Variants in RAI1 observed in about 807,000 individuals in gnomAD.
RAI1 encodes retinoic acid-induced protein 1.
A neutral mutation model predicts 123.8 loss-of-function variants in RAI1; 9 were observed. That is an observed-to-expected ratio of 0.07 (90% CI 0.04 to 0.13). RAI1 has a LOEUF of 0.13. Among genes scored for constraint, RAI1 ranks in the 10% least tolerant of loss-of-function variants. RAI1 has a pLI of 1.00. For synonymous variants in RAI1, 1,231 were observed against 1,127.3 expected (o/e 1.09, Z -1.84); for missense variants, 2,256 against 2,545.8 (o/e 0.89, Z 2.45).
At chr17:17,684,406 C>T (rs997849771) in intron 1 of RAI1, 10 of 150,950 alleles carry the variant, frequency 6.6e-5, no homozygotes, top group African/African-American at 2.2e-4. Flanking sequence ...TTTTGCAATC[C>T]ACTGATGGGT....
At chr17:17,719,760 T>G (rs1175451939) in intron 1 of RAI1, among the ~76,000 whole-genome samples, 2 of 152,174 alleles carry the variant, frequency 1.3e-5, no homozygotes, top group African/African-American at 2.4e-5. Context: ...GGATGCATAC[T>G]TTTGCCACCT....
rs777229114 is a variant in RAI1, at chr17:17,796,553, G to A, written c.3605G>A (p.Arg1202Gln). ...SPQKEGRVSQ[R>Q]ARVPKPGAGS... ...CAGAAGGAGGGCAGGGTGAGCCAGCGGGCAAGGGTCCCCAAACCTGGTGCA... is the reference window on the plus strand; with the variant it reads ...CAGAAGGAGGGCAGGGTGAGCCAGCAGGCAAGGGTCCCCAAACCTGGTGCA... The change falls in exon 3 of 6, where the codon CGG becomes CAG. Residue 1202 changes from arginine (R) to glutamine (Q), a missense_variant. Arg to Gln is a conservative substitution (Grantham distance 43, BLOSUM62 1). This residue lies in a region of RAI1 where 322 missense variants were observed against 358.0 expected (regional missense o/e 0.90). Coordinates refer to ENST00000353383, the MANE Select transcript of RAI1 (RefSeq NM_030665.4). The surrounding 1 kb of genome is among the most constrained non-coding windows in gnomAD (Gnocchi z 5.8). 20 of 1,610,852 alleles carry A rather than the reference G, an allele frequency of 1.2e-5. No individual in the cohort carries two copies. In the Admixed American group the frequency reaches 1.3e-4, roughly 11 times the overall value.
At position 17,797,059 on chromosome 17, in the gene RAI1, G is replaced by A. The variant is rs1040249146; in HGVS notation, c.4111G>A (p.Ala1371Thr). The A allele has an allele frequency of 1.5e-5, 24 of 1,613,824 alleles. 1 individual carries two copies. Among genetic ancestry groups the A allele is most frequent in the Admixed American group, 3.3e-5 (2 of 60,010 alleles). The change falls in exon 3 of 6, where the codon GCT (alanine) becomes ACT (threonine). Residue 1371 changes from alanine (A) to threonine (T), a missense_variant. Ala to Thr is a moderately conservative substitution (Grantham distance 58). Coordinates refer to ENST00000353383, the MANE Select transcript of RAI1 (RefSeq NM_030665.4). ...LSDKDRGLKGAGGSPVGVEEG... is the reference protein window; with the variant it reads ...LSDKDRGLKGTGGSPVGVEEG... ...CGACAAAGACCGTGGGCTCAAGGGT[G>A]CTGGGGGCAGCCCAGTGGGGGTGGA...
chr17:17,747,028 C>T (rs1184571178), intron 2 of RAI1, among the ~76,000 whole-genome samples: 5 of 152,184 alleles, frequency 3.3e-5, no homozygotes. Flanking sequence ...GCATTTATTA[C>T]ATAATGATTA....
Position 17,800,950 on chromosome 17 carries a change from G to C in RAI1, c.5565+2437G>C, listed in dbSNP as rs1279482684. 6.6e-6 allele frequency among the ~76,000 whole-genome samples: 1 copy of C among 152,208 alleles called. No individual in the cohort carries two copies. The highest frequency in any genetic ancestry group is 1.5e-5 in the Non-Finnish European group (1 of 68,028). On this transcript the variant is annotated intron_variant, in intron 3 of 5. Coordinates refer to ENST00000353383, the MANE Select transcript of RAI1 (RefSeq NM_030665.4). This position sits in a 1 kb window ranked among gnomAD's most constrained non-coding sequence, Gnocchi z 4.7. ...AACTCCACAATGTCAAACCCCGTTA[G>C]CAGGATTGTGGGGTTCTGTGGATCA...
intron 3 of RAI1, among the ~76,000 whole-genome samples, chr17:17,802,855 A>G (rs1482075622): frequency 1.3e-5 from 2 of 152,104 alleles, no homozygotes; most frequent in Admixed American, 6.6e-5. Context: ...AGGCCTAGGC[A>G]GGCAGATCAC....
In RAI1 at chr17:17,705,547, A is replaced by AAAAAACAAAAAC. The variant is rs10634571; in HGVS notation, c.-148-18462_-148-18451dup. On this transcript the variant is annotated intron_variant, in intron 1 of 5. Coordinates refer to ENST00000353383, the MANE Select transcript of RAI1 (RefSeq NM_030665.4). ...GGCAACAAGAACGAAACTCCGTCTC[A>AAAAAACAAAAAC]AAAAACAAAAACAAAAACAAAAACA... Among the ~76,000 whole-genome samples the AAAAAACAAAAAC allele has an allele frequency of 1.9e-3, 291 of 151,324 alleles. 2 individuals carry two copies. The highest frequency in any genetic ancestry group is 0.015 in the East Asian group (77 of 5,138).
chr17:17,696,609 A>G (rs768943789), intron 1 of RAI1, among the ~76,000 whole-genome samples: 1 of 152,062 alleles, frequency 6.6e-6, no homozygotes, highest in Non-Finnish European at 1.5e-5. Flanking sequence ...TCACTTTCTG[A>G]GTTTGTCCTC....
intron 1 of RAI1, among the ~76,000 whole-genome samples, chr17:17,713,959 C>T (rs1385164392): frequency 2.6e-5 from 4 of 152,138 alleles, no homozygotes; most frequent in Non-Finnish European, 5.9e-5. Flanking sequence ...CATTCCTGCT[C>T]ACATGGCCTT....
At chr17:17,770,842 A>T (rs1399873944) in intron 2 of RAI1, 2 of 152,302 alleles carry the variant, frequency 1.3e-5, no homozygotes, top group East Asian at 3.9e-4. Context: ...AGCAGATGAC[A>T]AACGCCCTAC....
At chr17:17,763,180 C>A (rs1374962144) in intron 2 of RAI1, among the ~76,000 whole-genome samples, 1 of 152,180 alleles carries the variant, frequency 6.6e-6, no homozygotes, top group Non-Finnish European at 1.5e-5. Context: ...AATGGCAGCC[C>A]CTGGAAGTAG....
rs1439074466 is a variant in RAI1 at position 17,793,039 on chromosome 17, A to G, written c.91A>G (p.Arg31Gly). Residue 31 changes from arginine (R) to glycine (G), a missense_variant, in exon 3 of 6, where the codon AGG becomes GGG. Physicochemically the swap from Arg to Gly is moderately radical, Grantham distance 125. Coordinates refer to ENST00000353383, the MANE Select transcript of RAI1 (RefSeq NM_030665.4). ...SQETSRLENY[R>G]QPSQAGLSCD... ...GGAAACATCACGCCTAGAGAATTACAGGCAGCCGAGTCAGGCCGGGCTAAG... is the reference window on the plus strand; with the variant it reads ...GGAAACATCACGCCTAGAGAATTACGGGCAGCCGAGTCAGGCCGGGCTAAG... 6.2e-7 allele frequency: 1 copy of G among 1,614,056 alleles called. No homozygotes were observed. Among genetic ancestry groups the G allele is most frequent in the Non-Finnish European group, 8.5e-7 (1 of 1,180,030 alleles).
chr17:17,725,674 G>A (rs1431663385), intron 2 of RAI1, among the ~76,000 whole-genome samples: 2 of 152,144 alleles, frequency 1.3e-5, no homozygotes, highest in African/African-American at 4.8e-5. Flanking sequence ...TGGAGAGCCC[G>A]TGGAAATCAG....
rs1442931276 is a variant in RAI1 at position 17,795,234 on chromosome 17, T to C, written c.2286T>C (p.Pro762=). The change falls in exon 3 of 6, where the codon CCT becomes CCC. Residue 762 remains proline (P), a synonymous_variant. Transcript: ENST00000353383. This position sits in a 1 kb window ranked among gnomAD's most constrained non-coding sequence, Gnocchi z 5.9. ...GDACPRWGLH[P]GELTKGLEQG... Reference sequence around the variant, plus strand: ...CTTGTCCCAGGTGGGGATTGCACCCTGGCGAGCTTACCAAGGGCCTGGAGC... The same window carrying C: ...CTTGTCCCAGGTGGGGATTGCACCCCGGCGAGCTTACCAAGGGCCTGGAGC... The C allele has an allele frequency of 1.9e-6, 3 of 1,613,866 alleles. No individual in the cohort carries two copies. The highest frequency in any genetic ancestry group is 2.5e-6 in the Non-Finnish European group (3 of 1,180,014).
chr17:17,770,001 G>A (rs1409471150), intron 2 of RAI1, among the ~76,000 whole-genome samples: 3 of 152,286 alleles, frequency 2.0e-5, no homozygotes, highest in Non-Finnish European at 2.9e-5. Context: ...TGAGCGGGGG[G>A]GCCCTGCCCA....
At position 17,800,188 on chromosome 17, in the gene RAI1, C is replaced by CTGTCTCTCTCTCTCTCTCTCTCTCTCTG. The variant is rs777450192; in HGVS notation, c.5565+1676_5565+1677insGTCTCTCTCTCTCTCTCTCTCTCTCTGT. Among the ~76,000 whole-genome samples, 1 of 117,730 alleles carries CTGTCTCTCTCTCTCTCTCTCTCTCTCTG rather than the reference C, an allele frequency of 8.5e-6. No homozygotes were observed. The highest frequency in any genetic ancestry group is 3.4e-5 in the African/African-American group (1 of 29,054). 77.2% of individuals were successfully genotyped at this position (117,730 alleles called of 152,430 possible). On this transcript the variant is annotated intron_variant, in intron 3 of 5. Coordinates refer to ENST00000353383, the MANE Select transcript of RAI1 (RefSeq NM_030665.4). This position sits in a 1 kb window ranked among gnomAD's most constrained non-coding sequence, Gnocchi z 4.7. ...GCTTTCTGTCTCTCTCTGTCTCTCT[C>CTGTCTCTCTCTCTCTCTCTCTCTCTCTG]TCTCTCTCTCTCTCTCTCTCTCTCT...
intron 1 of RAI1, among the ~76,000 whole-genome samples, chr17:17,697,998 C>T (rs765869426): frequency 2.0e-5 from 3 of 152,160 alleles, no homozygotes; most frequent in South Asian, 2.1e-4. Flanking sequence ...CTTTTCCATC[C>T]GGCCCTGGGT....
Position 17,794,523 on chromosome 17 carries a change from G to A in RAI1, c.1575G>A (p.Leu525=). The change falls in exon 3 of 6, where the codon CTG becomes CTA. Residue 525 remains leucine, a synonymous_variant. Coordinates refer to ENST00000353383, the MANE Select transcript of RAI1 (RefSeq NM_030665.4). ...ADYLSGSEDP[L]ERSFLYCNQA... Reference sequence around the variant, plus strand: ...ACCTGAGCGGCTCCGAGGACCCACTGGAGCGCAGCTTCCTCTACTGCAACC... The same window carrying A: ...ACCTGAGCGGCTCCGAGGACCCACTAGAGCGCAGCTTCCTCTACTGCAACC... The A allele has an allele frequency of 6.2e-7, 1 of 1,612,772 alleles. No individual in the cohort carries two copies. Among genetic ancestry groups the A allele is most frequent in the Non-Finnish European group, 8.5e-7 (1 of 1,179,884 alleles).
In RAI1 at chr17:17,793,165, G is replaced by A. The variant is rs1449867363; in HGVS notation, c.217G>A (p.Val73Met). The change falls in exon 3 of 6, where the codon GTG becomes ATG. Residue 73 changes from valine (V) to methionine (M), a missense_variant. Around this residue, in one of 7 missense-constraint regions of RAI1, gnomAD observed 336 missense variants for 349.8 expected, o/e 0.96. Coordinates refer to ENST00000353383, the MANE Select transcript of RAI1 (RefSeq NM_030665.4). Reference protein sequence around the residue: ...AGTPSGTAAAVAADKYHRGSK... With the variant: ...AGTPSGTAAAMAADKYHRGSK... ...CACGCCCTCTGGCACTGCAGCCGCGGTGGCCGCCGACAAGTACCACCGAGG... is the reference window on the plus strand; with the variant it reads ...CACGCCCTCTGGCACTGCAGCCGCGATGGCCGCCGACAAGTACCACCGAGG... The A allele has an allele frequency of 2.5e-6, 4 of 1,613,128 alleles. No homozygotes were observed. The highest frequency in any genetic ancestry group is 3.4e-6 in the Non-Finnish European group (4 of 1,179,900).
Sources: allele counts gnomAD v4.1 joint callset (sites outside exome capture counted in the v4.1 genomes callset), GRCh38; gene constraint gnomAD v4.1.1; regional missense constraint gnomAD v4.1.1; non-coding constraint Gnocchi (gnomAD v3.1); transcripts MANE v1.5; gene names NCBI Gene and HGNC (gene_info 2026-07-23, HGNC 2026-07-21).